NHS: variants seen among roughly 807,000 people sequenced by gnomAD.
The protein encoded by NHS is NHS actin remodeling regulator.
A neutral mutation model predicts 72.5 loss-of-function variants in NHS; 5 were observed. That is an observed-to-expected ratio of 0.07 (90% CI 0.04 to 0.14). The LOEUF (loss-of-function observed/expected upper bound fraction) is 0.14. Ranked by LOEUF, NHS falls within the 10% of genes least tolerant of loss-of-function variation. The probability of loss-of-function intolerance (pLI) is 1.00; values close to 1 mark genes in which losing one functional copy is unlikely to be tolerated. For missense variants in NHS, 1,072 were observed against 1,355.7 expected, an observed-to-expected ratio of 0.79 and a Z score of 3.29; for synonymous variants, 464 against 547.7, an observed-to-expected ratio of 0.85 and a Z score of 2.13.
At chrX:17,677,377 G>A in intron 1 of NHS, among the ~76,000 whole-genome samples, 1 of 111,753 alleles carries the variant, frequency 8.9e-6, no homozygotes, top group Middle Eastern at 4.6e-3. Flanking sequence ...GCTTTGCCAA[G>A]CGACTGCCAC....
chrX:17,562,495 AG>A lies in NHS; in HGVS notation c.566-125243del, dbSNP rs767824716. On this transcript the variant is annotated intron_variant, in intron 1 of 8. Coordinates refer to ENST00000676302, the MANE Select transcript of NHS (RefSeq NM_001291867.2). ...AAAAGCCAGGCACAGAGACACAGGT[AG>A]GGGTCTTTGGAAGTCAGGTGCAGTG... Among the ~76,000 whole-genome samples, 4 of 111,649 alleles carry A rather than the reference AG, an allele frequency of 3.6e-5. No individual in the cohort carries two copies. In the East Asian group the frequency reaches 1.1e-3, roughly 32 times the overall value.
At chrX:17,492,731 G>T (rs1193328052) in intron 1 of NHS, among the ~76,000 whole-genome samples, 2 of 111,372 alleles carry the variant, frequency 1.8e-5, no homozygotes, top group Non-Finnish European at 3.8e-5. Flanking sequence ...ATTGACAGTG[G>T]GGTGTTAAAG....
intron 1 of NHS, among the ~76,000 whole-genome samples, chrX:17,495,352 A>G (rs938296625): frequency 8.9e-6 from 1 of 112,249 alleles, no homozygotes; most frequent in African/African-American, 3.2e-5. Flanking sequence ...GAAAAAGCAA[A>G]CATTTCATAT....
At chrX:17,379,916 C>T (rs964136622) in intron 1 of NHS, among the ~76,000 whole-genome samples, 1 of 111,694 alleles carries the variant, frequency 9.0e-6, no homozygotes, top group Non-Finnish European at 1.9e-5. Flanking sequence ...TTTGAGATAC[C>T]TGATGTGTCT....
rs772483113 is a variant in NHS, at chrX:17,483,622, C to T, written c.565+107300C>T. ...TCCTAGCCTTACAGTCCAGCAATGT[C>T]GGAGTTCTTATTCCCATTTTACAGA... On this transcript the variant is annotated intron_variant, in intron 1 of 8. Coordinates refer to ENST00000676302, the MANE Select transcript of NHS (RefSeq NM_001291867.2). Among the ~76,000 whole-genome samples, 4 of 111,465 alleles carry T rather than the reference C, an allele frequency of 3.6e-5. No individual in the cohort carries two copies. The Admixed American group carries it at 3.8e-4, about 11-fold the overall frequency.
At chrX:17,477,669 C>T (rs1424132724) in intron 1 of NHS, among the ~76,000 whole-genome samples, 12 of 112,098 alleles carry the variant, frequency 1.1e-4, no homozygotes, top group Non-Finnish European at 1.7e-4. Flanking sequence ...CTATTTTACT[C>T]CATAATAAAT....
At chrX:17,503,031 A>G (rs1478215940) in intron 1 of NHS, among the ~76,000 whole-genome samples, 1 of 112,024 alleles carries the variant, frequency 8.9e-6, no homozygotes, top group African/African-American at 3.2e-5. Flanking sequence ...CAATGCACAC[A>G]GTGAACATCC....
chrX:17,653,621 C>T (rs1053591391), intron 1 of NHS, among the ~76,000 whole-genome samples: 1 of 111,153 alleles, frequency 9.0e-6, no homozygotes, highest in Non-Finnish European at 1.9e-5. Context: ...AAGGCTCTCC[C>T]GTGATAGAGC....
intron 1 of NHS, among the ~76,000 whole-genome samples, chrX:17,618,832 A>C (rs914804538): frequency 2.7e-5 from 3 of 112,209 alleles, no homozygotes; most frequent in African/African-American, 6.5e-5. Flanking sequence ...TTAACTCACC[A>C]ATTGAAAATT....
intron 1 of NHS, among the ~76,000 whole-genome samples, chrX:17,563,627 T>C (rs1394870238): frequency 3.6e-5 from 4 of 111,632 alleles, no homozygotes; most frequent in African/African-American, 1.3e-4. Flanking sequence ...TTTGGAAAGG[T>C]TTTTTCAGGA....
At chrX:17,412,572 G>A (rs2146859862) in intron 1 of NHS, among the ~76,000 whole-genome samples, 1 of 111,409 alleles carries the variant, frequency 9.0e-6, no homozygotes, top group Admixed American at 9.5e-5. Flanking sequence ...ACTCCAGCCT[G>A]GTCAATGGGA....
intron 1 of NHS, among the ~76,000 whole-genome samples, chrX:17,453,639 C>T (rs1042065720): frequency 3.6e-5 from 4 of 111,842 alleles, no homozygotes; most frequent in African/African-American, 1.3e-4. Flanking sequence ...CTTTATAATC[C>T]CATGTAGTTT....
intron 1 of NHS, among the ~76,000 whole-genome samples, chrX:17,457,477 C>G (rs192148388): frequency 1.8e-5 from 2 of 111,061 alleles, no homozygotes; most frequent in East Asian, 2.8e-4. Flanking sequence ...CCTATGGGAA[C>G]TAATAGAGTA....
At chrX:17,621,799 T>C (rs2065775203) in intron 1 of NHS, among the ~76,000 whole-genome samples, 1 of 111,958 alleles carries the variant, frequency 8.9e-6, no homozygotes. Context: ...CTGGAGCCTG[T>C]GTGCAAGCCT....
chrX:17,725,386 T>C lies in NHS; in HGVS notation c.1280T>C (p.Ile427Thr). 4.1e-6 allele frequency: 5 copies of C among 1,207,251 alleles called. No individual in the cohort carries two copies. Among genetic ancestry groups the C allele is most frequent in the South Asian group, 3.5e-5 (2 of 56,881 alleles). ...CCAGTGGCCAGGGAAAGGAATGTGA[T>C]TGTGCACACAAACCCAGACCCCTCC... is the stretch of plus-strand genomic sequence containing the variant. Reference protein sequence around the residue: ...ESPVARERNVIVHTNPDPSNT... With the variant: ...ESPVARERNVTVHTNPDPSNT... The change falls in exon 7 of 9, where the codon ATT (isoleucine) becomes ACT (threonine). Residue 427 changes from isoleucine to threonine, a missense_variant. Physicochemically the swap from Ile to Thr is moderately conservative, Grantham distance 89. Coordinates refer to ENST00000676302, the MANE Select transcript of NHS (RefSeq NM_001291867.2).
At position 17,726,493 on chromosome X, in the gene NHS, G is replaced by C. The variant is rs1366587972; in HGVS notation, c.2387G>C (p.Gly796Ala). 1.7e-6 allele frequency: 2 copies of C among 1,211,983 alleles called. No homozygotes were observed. The change falls in exon 7 of 9, where the codon GGT becomes GCT. Residue 796 changes from glycine to alanine, a missense_variant. Transcript: ENST00000676302. The part of the protein sequence containing the change: ...TSMHFDCGLK[G>A]NKSYVCHYAA... ...ATGCACTTTGACTGTGGTCTCAAAGGTAATAAGAGCTATGTCTGTCACTAT... is the reference window on the plus strand; with the variant it reads ...ATGCACTTTGACTGTGGTCTCAAAGCTAATAAGAGCTATGTCTGTCACTAT...
intron 3 of NHS, among the ~76,000 whole-genome samples, chrX:17,703,621 C>G: frequency 8.9e-6 from 1 of 112,390 alleles, no homozygotes; most frequent in East Asian, 2.8e-4. Flanking sequence ...TATAACCAGG[C>G]AGCTGATGCT....
chrX:17,462,209 G>C (rs1396486220), intron 1 of NHS, among the ~76,000 whole-genome samples: 1 of 111,432 alleles, frequency 9.0e-6, no homozygotes, highest in Non-Finnish European at 1.9e-5. Context: ...ACAGAGTGTA[G>C]GTACTATTTA....
intron 1 of NHS, among the ~76,000 whole-genome samples, chrX:17,424,897 T>C (rs2064643291): frequency 9.0e-6 from 1 of 111,453 alleles, no homozygotes; most frequent in African/African-American, 3.3e-5. Context: ...ATATTCTGTA[T>C]CCTTTAGGAA....
Sources: gnomAD v4.1 joint callset for allele counts (sites outside exome capture counted in the v4.1 genomes callset) on GRCh38, gnomAD v4.1.1 for gene constraint, MANE v1.5 for transcripts, NCBI Gene and HGNC (gene_info 2026-07-23, HGNC 2026-07-21) for gene names.